RYR2: variants seen among roughly 807,000 people sequenced by gnomAD.
RYR2 encodes the protein ryanodine receptor 2, also known as cardiac muscle ryanodine receptor-calcium release channel.
Under a neutral mutation model 601.1 loss-of-function variants are expected in RYR2, and 227 were observed. The ratio of observed to expected loss-of-function variants is 0.38; its 90% CI spans 0.34 to 0.42. The LOEUF is 0.42. Among genes scored for constraint, RYR2 ranks in the 10% least tolerant of loss-of-function variants. The pLI, the probability that RYR2 is intolerant of heterozygous loss-of-function variation, is 1.00. For synonymous variants in RYR2, 2,223 were observed against 2,175.1 expected, an observed-to-expected ratio of 1.02 and a Z score of -0.61; for missense variants, 4,646 against 6,156.5, an observed-to-expected ratio of 0.75 and a Z score of 8.21.
At chr1:237,565,193 T>G (rs1365778675) in intron 27 of RYR2, among the ~76,000 whole-genome samples, 12 of 93,532 alleles carry the variant, frequency 1.3e-4, no homozygotes, top group African/African-American at 4.1e-4. Flanking sequence ...CTTTCTTTCT[T>G]TCTTTCTTTC....
At chr1:237,301,852 A>G in intron 2 of RYR2, among the ~76,000 whole-genome samples, 1 of 152,182 alleles carries the variant, frequency 6.6e-6, no homozygotes. Context: ...CTAGAGAGAA[A>G]AAGCTAGAGA....
Position 237,566,811 on chromosome 1 carries a change from G to A in RYR2, c.3423+36G>A, listed in dbSNP as rs568616340. The A allele has an allele frequency of 1.7e-5, 28 of 1,607,756 alleles. No individual in the cohort carries two copies. The East Asian group carries it at 5.8e-4, about 33-fold the overall frequency. ...TTTGTCCTGTGCCAGTCATCTGTAC[G>A]TGCTGGAGGCTCATCTCCTCTGCTG... On this transcript the variant is annotated intron_variant, in intron 28 of 104. Transcript: ENST00000366574.
intron 1 of RYR2, among the ~76,000 whole-genome samples, chr1:237,264,380 A>G (rs1572403680): frequency 6.6e-6 from 1 of 152,144 alleles, no homozygotes; most frequent in African/African-American, 2.4e-5. Context: ...GCTTGTATAT[A>G]TCTGCATTGT....
At chr1:237,722,558 C>T (rs1212636564) in intron 73 of RYR2, among the ~76,000 whole-genome samples, 1 of 151,718 alleles carries the variant, frequency 6.6e-6, no homozygotes, top group African/African-American at 2.4e-5. Flanking sequence ...CTCAGCCTCC[C>T]GAGTAGCTGG....
intron 2 of RYR2, among the ~76,000 whole-genome samples, chr1:237,282,666 A>C (rs763405990): frequency 2.6e-5 from 4 of 152,186 alleles, no homozygotes; most frequent in African/African-American, 4.8e-5. Context: ...AAGTTTTATG[A>C]AAGTATAGGG....
At chr1:237,178,753 TATG>T (rs1678371005) in intron 1 of RYR2, among the ~76,000 whole-genome samples, 1 of 152,106 alleles carries the variant, frequency 6.6e-6, no homozygotes, top group Non-Finnish European at 1.5e-5. Context: ...TGCAGTGAGC[TATG>T]ATTACAACAT....
intron 1 of RYR2, among the ~76,000 whole-genome samples, chr1:237,162,832 G>C (rs767873004): frequency 6.6e-6 from 1 of 152,074 alleles, no homozygotes; most frequent in East Asian, 1.9e-4. Context: ...AAGGCTCATC[G>C]TCTAAATGCC....
At chr1:237,182,718 T>G (rs980867519) in intron 1 of RYR2, among the ~76,000 whole-genome samples, 20 of 152,158 alleles carry the variant, frequency 1.3e-4, no homozygotes, top group Non-Finnish European at 1.3e-4. Flanking sequence ...ATACACAATT[T>G]AAAAAATCTA....
chr1:237,561,398 A>G (rs1671443916), intron 27 of RYR2, among the ~76,000 whole-genome samples: 1 of 152,210 alleles, frequency 6.6e-6, no homozygotes. Flanking sequence ...GGAATCAGTA[A>G]AGGGAGAAAT....
chr1:237,493,205 C>T (rs368078579), intron 19 of RYR2, 118 bp downstream of exon 19: 3 of 1,154,898 alleles, frequency 2.6e-6, no homozygotes. Flanking sequence ...GTATTATTTT[C>T]TGTATTTTTG....
chr1:237,383,437 T>A (rs1296188023), intron 8 of RYR2, among the ~76,000 whole-genome samples: 1 of 98,580 alleles, frequency 1.0e-5, no homozygotes, highest in East Asian at 3.8e-4. Context: ...TTTTTTTTTT[T>A]TTTTTTTTTT....
At chr1:237,209,425 A>G (rs1330975391) in intron 1 of RYR2, among the ~76,000 whole-genome samples, 3 of 151,874 alleles carry the variant, frequency 2.0e-5, no homozygotes, top group East Asian at 1.9e-4. Flanking sequence ...ATATAGATAT[A>G]TATGTCTTAT....
At chr1:237,556,436 G>T (rs1670886986) in intron 27 of RYR2, among the ~76,000 whole-genome samples, 3 of 150,846 alleles carry the variant, frequency 2.0e-5, no homozygotes, top group East Asian at 3.9e-4. Context: ...GAGTAGCTGG[G>T]ACTACATGCG....
rs534750117 is a variant in RYR2, at chr1:237,591,846, C to T, written c.4268C>T (p.Thr1423Met). 5 of 1,611,716 alleles carry T rather than the reference C, an allele frequency of 3.1e-6. No homozygotes were observed. The highest frequency in any genetic ancestry group is 2.2e-5 in the East Asian group (1 of 44,776). Residue 1423 changes from threonine to methionine, a missense_variant, in exon 32 of 105, where the codon ACG becomes ATG. Transcript: ENST00000366574. ...GATGACTATGATTTCTTGATGCAAACGTCCACGGTATGAGGTTGCAGCTTT... is the reference window on the plus strand; with the variant it reads ...GATGACTATGATTTCTTGATGCAAATGTCCACGGTATGAGGTTGCAGCTTT... Reference protein sequence around the residue: ...DRDDYDFLMQTSTYYYSVRIF... With the variant: ...DRDDYDFLMQMSTYYYSVRIF...
intron 2 of RYR2, among the ~76,000 whole-genome samples, chr1:237,271,303 C>T (rs73123382): frequency 0.034 from 5,230 of 152,160 alleles, 282 homozygotes; most frequent in African/African-American, 0.12. Flanking sequence ...TTGAGACAAT[C>T]GCTCCGAGGA....
At chr1:237,745,315 G>C (rs1315697033) in intron 80 of RYR2, among the ~76,000 whole-genome samples, 1 of 152,118 alleles carries the variant, frequency 6.6e-6, no homozygotes, top group Non-Finnish European at 1.5e-5. Flanking sequence ...TAAGAATTTG[G>C]TAGATTTTGA....
chr1:237,214,466 G>A (rs965605128), intron 1 of RYR2, among the ~76,000 whole-genome samples: 8 of 152,138 alleles, frequency 5.3e-5, no homozygotes, highest in Admixed American at 5.2e-4. Flanking sequence ...ATCACATGGA[G>A]AGAGGAAGGA....
intron 41 of RYR2, 97 bp from the exon 42 acceptor site, chr1:237,631,330 A>T: frequency 1.3e-6 from 1 of 746,074 alleles, no homozygotes; most frequent in Non-Finnish European, 2.3e-6. Context: ...TTACTTTTCA[A>T]CTCACATAAA....
intron 1 of RYR2, among the ~76,000 whole-genome samples, chr1:237,211,901 G>A (rs955072116): frequency 6.6e-5 from 10 of 152,040 alleles, no homozygotes; most frequent in African/African-American, 2.4e-4. Context: ...CTTTATGGTG[G>A]GACATACAAT....
Sources: gnomAD v4.1 joint callset for allele counts (sites outside exome capture counted in the v4.1 genomes callset) on GRCh38, gnomAD v4.1.1 for gene constraint, MANE v1.5 for transcripts, NCBI Gene and HGNC (gene_info 2026-07-23, HGNC 2026-07-21) for gene names.